The following BAZ2B variants were observed in gnomAD, a reference collection of about 807,000 sequenced individuals.
BAZ2B encodes bromodomain adjacent to zinc finger domain protein 2B.
BAZ2B carries 91 observed loss-of-function variants against 246.0 expected under a neutral mutation model. That is an observed-to-expected ratio of 0.37 (90% CI 0.31 to 0.44). The LOEUF (loss-of-function observed/expected upper bound fraction) is 0.44, where lower values mean the gene tolerates loss of function less well. Ranked by LOEUF, BAZ2B falls within the 20% of genes least tolerant of loss-of-function variation. BAZ2B has a pLI of 1.00. For synonymous variants in BAZ2B, 855 were observed against 860.0 expected (o/e 0.99, Z 0.10); for missense variants, 2,332 against 2,533.7 (o/e 0.92, Z 1.71).
the BAZ2B span, among the ~76,000 whole-genome samples, chr2:159,704,450 C>T: frequency 7.8e-5 from 9 of 115,152 alleles, no homozygotes; most frequent in East Asian, 2.7e-4. Flanking sequence ...CTTCCTTCCT[C>T]CCTCCCTCCC....
chr2:159,605,991 T>G (rs1022465429), intron 1 of BAZ2B, among the ~76,000 whole-genome samples: 2 of 152,230 alleles, frequency 1.3e-5, no homozygotes, highest in Non-Finnish European at 2.9e-5. Flanking sequence ...GTGTTTACTA[T>G]TCACACTGCC....
chr2:159,628,525 A>G, the BAZ2B span, among the ~76,000 whole-genome samples: 1 of 152,204 alleles, frequency 6.6e-6, no homozygotes, highest in Non-Finnish European at 1.5e-5. Flanking sequence ...ACACATCTAC[A>G]ACCATGTGAT....
intron 2 of BAZ2B, among the ~76,000 whole-genome samples, chr2:159,536,630 A>G (rs2086025634): frequency 6.6e-6 from 1 of 152,212 alleles, no homozygotes; most frequent in South Asian, 2.1e-4. Context: ...GTGAACTAAT[A>G]GGAAAATGAA....
chr2:159,340,184 C>G (rs1251235265), intron 31 of BAZ2B, among the ~76,000 whole-genome samples: 1 of 150,782 alleles, frequency 6.6e-6, no homozygotes, highest in South Asian at 2.1e-4. Flanking sequence ...TTTCTGAAGA[C>G]AGGTCGTTTG....
chr2:159,400,486 G>C, intron 17 of BAZ2B, 113 bp downstream of exon 17: 1 of 659,890 alleles, frequency 1.5e-6, no homozygotes, highest in Non-Finnish European at 2.6e-6. Context: ...TGTTTAAAGA[G>C]AATATCTGAC....
At chr2:159,624,528 C>A in the BAZ2B span, among the ~76,000 whole-genome samples, 2 of 152,204 alleles carry the variant, frequency 1.3e-5, no homozygotes, top group Non-Finnish European at 2.9e-5. Context: ...TCTGCAGCCT[C>A]CACTGGTGAG....
In BAZ2B at chr2:159,337,353, C is replaced by T. The variant is rs76136104; in HGVS notation, c.5660+214G>A. Reference sequence around the variant, plus strand: ...AAAGCACCATGCAAATAGCATGATCCGTATGGATCACAGACATACAAGAAG... The same window carrying T: ...AAAGCACCATGCAAATAGCATGATCTGTATGGATCACAGACATACAAGAAG... On this transcript the variant is annotated intron_variant, in intron 32 of 36. Transcript: ENST00000392783. The T allele has an allele frequency of 7.1e-6, 9 of 1,272,172 alleles. No homozygotes were observed. Among genetic ancestry groups the T allele is most frequent in the Admixed American group, 5.3e-5 (2 of 37,424 alleles). 78.8% of individuals were successfully genotyped at this position (1,272,172 alleles called of 1,614,324 possible). A position where few individuals can be genotyped will look rare whatever the true frequency, so the allele number is the denominator to read the frequency against.
chr2:159,452,859 T>C (rs7608733), intron 4 of BAZ2B, among the ~76,000 whole-genome samples: 4,580 of 152,230 alleles, frequency 0.03, 213 homozygotes, highest in African/African-American at 0.1. Context: ...CAGCACTCTG[T>C]GAGGCCGAGG....
intron 1 of BAZ2B, among the ~76,000 whole-genome samples, chr2:159,565,301 C>T (rs1242854776): frequency 2.6e-5 from 4 of 152,144 alleles, no homozygotes; most frequent in Non-Finnish European, 4.4e-5. Context: ...ACAACTCTGA[C>T]GGAGTATTGC....
chr2:159,681,545 AAGAG>A, the BAZ2B span, among the ~76,000 whole-genome samples: 1 of 152,230 alleles, frequency 6.6e-6, no homozygotes, highest in African/African-American at 2.4e-5. Flanking sequence ...GCTAGATTGA[AAGAG>A]AGAATTACTA....
intron 1 of BAZ2B, among the ~76,000 whole-genome samples, chr2:159,566,513 C>T (rs937974288): frequency 1.8e-4 from 27 of 152,120 alleles, no homozygotes; most frequent in African/African-American, 6.3e-4. Context: ...GCAGTATTGA[C>T]CCATTTCTGT....
intron 5 of BAZ2B, among the ~76,000 whole-genome samples, chr2:159,447,884 G>A (rs2074475852): frequency 6.6e-6 from 1 of 152,180 alleles, no homozygotes; most frequent in African/African-American, 2.4e-5. Context: ...AGGCTGAGGT[G>A]TGAGTATTGC....
At chr2:159,315,512 CTGGT>C (rs2062023536), downstream of BAZ2B, among the ~76,000 whole-genome samples, 1 of 152,138 alleles carries the variant, frequency 6.6e-6, no homozygotes, top group African/African-American at 2.4e-5. Context: ...GGCTGGTAAG[CTGGT>C]GGTAGCTATT....
intron 31 of BAZ2B, among the ~76,000 whole-genome samples, chr2:159,344,622 G>A (rs2067430518): frequency 6.6e-6 from 1 of 151,810 alleles, no homozygotes; most frequent in Non-Finnish European, 1.5e-5. Flanking sequence ...AATGAATCCA[G>A]GTATTCAACA....
chr2:159,467,135 C>G (rs560198689), intron 3 of BAZ2B, among the ~76,000 whole-genome samples: 1 of 152,190 alleles, frequency 6.6e-6, no homozygotes, highest in East Asian at 1.9e-4. Context: ...AGTAAAAGGT[C>G]AGGGAGGCTG....
chr2:159,602,785 T>C (rs1692466153), intron 1 of BAZ2B, among the ~76,000 whole-genome samples: 3 of 152,132 alleles, frequency 2.0e-5, no homozygotes, highest in Admixed American at 2.0e-4. Flanking sequence ...CCTACAGAAA[T>C]AACTTAGAAT....
chr2:159,468,996 A>G (rs1359416870), intron 3 of BAZ2B, among the ~76,000 whole-genome samples: 1 of 149,132 alleles, frequency 6.7e-6, no homozygotes. Context: ...GGTTGCAGTG[A>G]GCTGAGATTG....
At chr2:159,419,929 A>C (rs1010017840) in intron 13 of BAZ2B, 1 of 152,230 alleles carries the variant, frequency 6.6e-6, no homozygotes, top group Non-Finnish European at 1.5e-5. Context: ...GTTGACTTCC[A>C]ATCTTTTGTT....
chr2:159,474,032 A>C (rs1010535256), intron 3 of BAZ2B, among the ~76,000 whole-genome samples: 1 of 152,156 alleles, frequency 6.6e-6, no homozygotes, highest in African/African-American at 2.4e-5. Context: ...AAGACTCTAT[A>C]TTCTGTTGAT....
Sources: allele counts gnomAD v4.1 joint callset (sites outside exome capture counted in the v4.1 genomes callset), GRCh38; gene constraint gnomAD v4.1.1; transcripts MANE v1.5; gene names NCBI Gene and HGNC (gene_info 2026-07-23, HGNC 2026-07-21).